The following MBD3L1 variants were observed in gnomAD, a reference collection of about 807,000 sequenced individuals.
MBD3L1 encodes the protein methyl-CpG-binding domain protein 3-like 1.
For synonymous variants in MBD3L1, 84 were observed against 85.1 expected, an observed-to-expected ratio of 0.99 and a Z score of 0.07; for missense variants, 203 against 230.1, an observed-to-expected ratio of 0.88 and a Z score of 0.76.
At chr19:8,839,857 C>T (rs919800424) in intron 1 of MBD3L1, among the ~76,000 whole-genome samples, 1 of 151,786 alleles carries the variant, frequency 6.6e-6, no homozygotes, top group Non-Finnish European at 1.5e-5. Flanking sequence ...CTCGGAGAAA[C>T]TTGAACATGT....
Position 8,840,958 on chromosome 19 carries a change from A to T in MBD3L1, c.-63A>T, listed in dbSNP as rs983590699. ...AGCCATGGCGTCACAGAGAACAGGG[A>T]CCTTCCAAGTTTGAAGTTTTACAAG... is the stretch of plus-strand genomic sequence containing the variant. On this transcript the variant is annotated 5_prime_UTR_variant, in exon 2 of 3. Transcript: ENST00000595891. 2.0e-5 allele frequency: 3 copies of T among 151,774 alleles called. No homozygotes were observed. The highest frequency in any genetic ancestry group is 2.0e-4 in the Admixed American group (3 of 15,210). The allele number at this position is 151,774 out of a possible 1,614,324, so 9.4% of individuals were successfully genotyped here.
intron 1 of MBD3L1, among the ~76,000 whole-genome samples, chr19:8,836,797 T>C (rs2044460819): frequency 6.6e-6 from 1 of 152,206 alleles, no homozygotes; most frequent in Non-Finnish European, 1.5e-5. Context: ...CCAGCTTAAG[T>C]GTATCTTAAT....
At chr19:8,833,726 C>T (rs571723821) in intron 1 of MBD3L1, among the ~76,000 whole-genome samples, 2 of 151,398 alleles carry the variant, frequency 1.3e-5, no homozygotes, top group East Asian at 1.9e-4. Context: ...TGGTGGCTTA[C>T]GCTTGTAATC....
At chr19:8,841,922 C>T (rs1048941916) in intron 2 of MBD3L1, among the ~76,000 whole-genome samples, 1 of 152,108 alleles carries the variant, frequency 6.6e-6, no homozygotes, top group Non-Finnish European at 1.5e-5. Context: ...GGGATTAAGG[C>T]TCAAAGAGCA....
In MBD3L1 at chr19:8,842,744, G is replaced by C. The variant is rs2044525741; in HGVS notation, c.66G>C (p.Leu22Phe). ...CVNQCKSKPGLSTSIPLRMSS... is the reference protein window; with the variant it reads ...CVNQCKSKPGFSTSIPLRMSS... ...ACCAATGCAAATCAAAGCCTGGCTT[G>C]AGCACCTCAATCCCTTTGAGAATGT... is the stretch of plus-strand genomic sequence containing the variant. The change falls in exon 3 of 3, where the codon TTG (leucine) becomes TTC (phenylalanine). Residue 22 changes from leucine to phenylalanine, a missense_variant. Physicochemically the swap from Leu to Phe is conservative, Grantham distance 22. Transcript: ENST00000595891. 1 of 1,614,060 alleles carries C rather than the reference G, an allele frequency of 6.2e-7. No homozygotes were observed. The highest frequency in any genetic ancestry group is 8.5e-7 in the Non-Finnish European group (1 of 1,180,034).
intron 1 of MBD3L1, chr19:8,833,652 G>A (rs1390686726): frequency 6.6e-6 from 1 of 152,290 alleles, no homozygotes; most frequent in Non-Finnish European, 1.5e-5. Context: ...AATGGACAGT[G>A]AATGTGATAA....
rs199701972 is a variant in MBD3L1, at chr19:8,842,892, C to A, written c.214C>A (p.Gln72Lys). Residue 72 changes from glutamine to lysine, a missense_variant, in exon 3 of 3, where the codon CAG becomes AAG. By Grantham distance (53) the Gln-to-Lys change is moderately conservative. Transcript: ENST00000595891. ...PQQVCWQRRLQGLQAYSSAGE... is the reference protein window; with the variant it reads ...PQQVCWQRRLKGLQAYSSAGE... ...GCAGGTCTGCTGGCAGAGGAGACTG[C>A]AGGGACTCCAGGCTTACAGCAGTGC... 36 of 1,614,240 alleles carry A rather than the reference C, an allele frequency of 2.2e-5. No homozygotes were observed. The Admixed American group carries it at 3.5e-4, about 16-fold the overall frequency.
chr19:8,840,126 G>GAGGATAGCT (rs2044497009), intron 1 of MBD3L1, among the ~76,000 whole-genome samples: 2 of 151,030 alleles, frequency 1.3e-5, no homozygotes, highest in Non-Finnish European at 2.9e-5. Flanking sequence ...GGAGGTTGCA[G>GAGGATAGCT]TGAGCCCAGA....
At chr19:8,834,137 G>A (rs934445686) in intron 1 of MBD3L1, among the ~76,000 whole-genome samples, 2 of 152,156 alleles carry the variant, frequency 1.3e-5, no homozygotes, top group African/African-American at 4.8e-5. Context: ...TCATGCACCC[G>A]TCCTTTCAGA....
At chr19:8,837,887 G>A (rs2044470482) in intron 1 of MBD3L1, among the ~76,000 whole-genome samples, 2 of 152,022 alleles carry the variant, frequency 1.3e-5, no homozygotes, top group Admixed American at 1.3e-4. Context: ...CAACTGGAAG[G>A]GACCAAGATG....
chr19:8,834,373 G>A (rs1261861373), intron 1 of MBD3L1, among the ~76,000 whole-genome samples: 1 of 151,788 alleles, frequency 6.6e-6, no homozygotes, highest in Middle Eastern at 3.2e-3. Context: ...ACTTTGGGAG[G>A]CTGAGGCAGG....
chr19:8,841,075 G>A (rs1432136170), intron 2 of MBD3L1, 76 bp downstream of exon 2: 2 of 150,442 alleles, frequency 1.3e-5, no homozygotes, highest in African/African-American at 4.9e-5. Context: ...TGCTCAGGCT[G>A]GAGTGCAATG....
In MBD3L1 at chr19:8,838,646, T is replaced by C. The variant is rs140519267; in HGVS notation, c.-106-2269T>C. Among the ~76,000 whole-genome samples the C allele has an allele frequency of 2.7e-4, 41 of 152,326 alleles. 1 individual carries two copies. In the East Asian group the frequency reaches 7.3e-3, roughly 27 times the overall value. ...GTGCATGCAATCAATGTAAAAATTA[T>C]TGAGACGTTTTAGGTGCGACTGGCT... is the stretch of plus-strand genomic sequence containing the variant. On this transcript the variant is annotated intron_variant, in intron 1 of 2. Transcript: ENST00000595891.
chr19:8,843,199 C>A lies in MBD3L1; in HGVS notation c.521C>A (p.Ala174Glu), dbSNP rs750306947. ...GAGAGACTCGCAATAGCACTGATTG[C>A]GGATGGACTCGCTAATGAGGCAGAG... ...VRERLAIALI[A>E]DGLANEAEKV... Residue 174 changes from alanine (A) to glutamate (E), a missense_variant, in exon 3 of 3, where the codon GCG becomes GAG. Transcript: ENST00000595891. 1 of 1,611,974 alleles carries A rather than the reference C, an allele frequency of 6.2e-7. No homozygotes were observed. Among genetic ancestry groups the A allele is most frequent in the Non-Finnish European group, 8.5e-7 (1 of 1,179,150 alleles).
intron 1 of MBD3L1, among the ~76,000 whole-genome samples, chr19:8,840,050 G>A (rs1005440691): frequency 2.0e-5 from 3 of 151,944 alleles, no homozygotes; most frequent in East Asian, 3.9e-4. Flanking sequence ...TGGACATAGA[G>A]GTATGTGCCT....
chr19:8,840,803 A>G (rs529101248), intron 1 of MBD3L1, 112 bp from the exon 2 acceptor site: 1 of 152,200 alleles, frequency 6.6e-6, no homozygotes, highest in Non-Finnish European at 1.5e-5. Context: ...ATGACAGTGC[A>G]TACACAGAAA....
chr19:8,833,665 A>G (rs1218590981), intron 1 of MBD3L1: 1 of 152,264 alleles, frequency 6.6e-6, no homozygotes, highest in African/African-American at 2.4e-5. Flanking sequence ...TGTGATAAAT[A>G]GAATACATGG....
intron 2 of MBD3L1, among the ~76,000 whole-genome samples, chr19:8,841,949 C>A (rs547982071): frequency 6.6e-6 from 1 of 152,290 alleles, no homozygotes; most frequent in East Asian, 1.9e-4. Flanking sequence ...TTGATAATTT[C>A]ATTATTGACT....
chr19:8,842,289 T>C (rs1357562556), intron 2 of MBD3L1, among the ~76,000 whole-genome samples: 1 of 140,282 alleles, frequency 7.1e-6, no homozygotes, highest in Non-Finnish European at 1.5e-5. Context: ...ATTGCACCAC[T>C]GCACTCCAGC....
Sources: allele counts gnomAD v4.1 joint callset (sites outside exome capture counted in the v4.1 genomes callset), GRCh38; gene constraint gnomAD v4.1.1; transcripts MANE v1.5; gene names NCBI Gene and HGNC (gene_info 2026-07-23, HGNC 2026-07-21).